ADAMTS2: variants seen among roughly 807,000 people sequenced by gnomAD.
The protein encoded by ADAMTS2 is ADAM metallopeptidase with thrombospondin type 1 motif 2.
In ADAMTS2, 50 loss-of-function variants were observed where a neutral mutation model predicts 123.0. That is an observed-to-expected ratio of 0.41 (90% CI 0.32 to 0.51). The LOEUF (loss-of-function observed/expected upper bound fraction) is 0.51. Among genes scored for constraint, ADAMTS2 ranks in the 20% least tolerant of loss-of-function variants. The pLI, the probability that ADAMTS2 is intolerant of heterozygous loss-of-function variation, is 0.35. For missense variants in ADAMTS2, 1,494 were observed against 1,705.2 expected (o/e 0.88, Z 2.18); for synonymous variants, 678 against 695.4 (o/e 0.98, Z 0.39).
chr5:179,275,620 T>TG (rs1766673496), intron 2 of ADAMTS2, among the ~76,000 whole-genome samples: 2 of 152,174 alleles, frequency 1.3e-5, no homozygotes, highest in Admixed American at 6.5e-5. Context: ...GGATGCCAGA[T>TG]GCCAGCTTTG....
Position 179,122,634 on chromosome 5 carries a change from G to A in ADAMTS2, c.3088+10C>T. The A allele has an allele frequency of 6.5e-7, 1 of 1,549,786 alleles. No homozygotes were observed. The highest frequency in any genetic ancestry group is 8.7e-7 in the Non-Finnish European group (1 of 1,146,874). On this transcript the variant is annotated intron_variant, in intron 20 of 21. Transcript: ENST00000251582. ...GCTGGGAGCAGGGGCAGGGGCTGCA[G>A]GTGGCTTACGGGGACAGGGGCCAAG... is the stretch of plus-strand genomic sequence containing the variant.
At chr5:179,154,962 G>A in intron 6 of ADAMTS2, 43 bp from the exon 7 acceptor site, 1 of 1,565,492 alleles carries the variant, frequency 6.4e-7, no homozygotes, top group Middle Eastern at 1.9e-4. Context: ...GCCATAGCCT[G>A]GCCGGGAAGG....
At chr5:179,146,506 G>A (rs1033048246) in intron 10 of ADAMTS2, among the ~76,000 whole-genome samples, 2 of 152,244 alleles carry the variant, frequency 1.3e-5, no homozygotes, top group African/African-American at 4.8e-5. Flanking sequence ...TGCAGTGGCA[G>A]CGTTCGCAGC....
At chr5:179,316,521 G>C (rs775681398) in intron 2 of ADAMTS2, among the ~76,000 whole-genome samples, 1 of 152,178 alleles carries the variant, frequency 6.6e-6, no homozygotes, top group Non-Finnish European at 1.5e-5. Flanking sequence ...CCACTCCCAG[G>C]GATGGCATTT....
chr5:179,277,264 C>T (rs1418818361), intron 2 of ADAMTS2, among the ~76,000 whole-genome samples: 1 of 152,030 alleles, frequency 6.6e-6, no homozygotes, highest in Non-Finnish European at 1.5e-5. Flanking sequence ...GTGCGATGCG[C>T]ACAACGCATG....
At chr5:179,217,374 C>T (rs1334466752) in intron 3 of ADAMTS2, among the ~76,000 whole-genome samples, 2 of 152,178 alleles carry the variant, frequency 1.3e-5, no homozygotes, top group African/African-American at 4.8e-5. Flanking sequence ...GGTTTGATCA[C>T]CTGAAATGGT....
At position 179,129,953 on chromosome 5, in the gene ADAMTS2, G is replaced by A. The variant is rs1762929607; in HGVS notation, c.2436C>T (p.Leu812=). 2 of 1,613,854 alleles carry A rather than the reference G, an allele frequency of 1.2e-6. No individual in the cohort carries two copies. The highest frequency in any genetic ancestry group is 1.7e-6 in the Non-Finnish European group (2 of 1,180,030). ...TCACCAGAACGGTGATGGTGCCGTG[G>A]AGGGGGCCCATGGTCTGCAGCGTCT... ...GRETLQTMGP[L]HGTITVLVIP... The change falls in exon 16 of 22, where the codon CTC becomes CTT. Residue 812 remains leucine (L), a synonymous_variant. Coordinates refer to ENST00000251582, the MANE Select transcript of ADAMTS2 (RefSeq NM_014244.5). This position sits in a 1 kb window ranked among gnomAD's most constrained non-coding sequence, Gnocchi z 4.1.
At chr5:179,337,175 CG>C (rs1369564389) in intron 2 of ADAMTS2, among the ~76,000 whole-genome samples, 3 of 152,012 alleles carry the variant, frequency 2.0e-5, no homozygotes, top group African/African-American at 7.2e-5. Flanking sequence ...CCTCCCATTC[CG>C]GGGTAACCAC....
rs1762587758 is a variant in ADAMTS2 at position 179,112,601 on chromosome 5, G to A, written c.*1266C>T. 1 of 152,256 alleles carries A rather than the reference G, an allele frequency of 6.6e-6. No homozygotes were observed. The highest frequency in any genetic ancestry group is 1.5e-5 in the Non-Finnish European group (1 of 68,100). The allele number at this position is 152,256 out of a possible 1,614,324, so 9.4% of individuals were successfully genotyped here. On this transcript the variant is annotated 3_prime_UTR_variant, in exon 22 of 22. Coordinates refer to ENST00000251582, the MANE Select transcript of ADAMTS2 (RefSeq NM_014244.5). ...TTGCAGGTCACTGCTGGGTTCTGGAGCTTCTGAGAGACAGAGGCGAGGTGG... is the reference window on the plus strand; with the variant it reads ...TTGCAGGTCACTGCTGGGTTCTGGAACTTCTGAGAGACAGAGGCGAGGTGG...
rs150893572 is a variant in ADAMTS2 at position 179,128,323 on chromosome 5, G to A, written c.2458-205C>T. ...CAGGGTGAGGTTCCTGTGAGCCTCT[G>A]TCTCAACATTTTTGTTACCCGATCA... On this transcript the variant is annotated intron_variant, in intron 16 of 21. Transcript: ENST00000251582. This position sits in a 1 kb window ranked among gnomAD's most constrained non-coding sequence, Gnocchi z 4.9. 4.0e-4 allele frequency among the ~76,000 whole-genome samples: 60 copies of A among 151,018 alleles called. 1 individual carries two copies. Among genetic ancestry groups the A allele is most frequent in the African/African-American group, 1.4e-3 (58 of 40,344 alleles).
At chr5:179,263,652 C>A (rs551808357) in intron 3 of ADAMTS2, among the ~76,000 whole-genome samples, 2 of 152,370 alleles carry the variant, frequency 1.3e-5, no homozygotes, top group South Asian at 4.1e-4. Context: ...CAAGCCCCAG[C>A]CAAAGGGACC....
chr5:179,224,612 A>T (rs1179641550), intron 3 of ADAMTS2, among the ~76,000 whole-genome samples: 1 of 152,238 alleles, frequency 6.6e-6, no homozygotes, highest in Non-Finnish European at 1.5e-5. Flanking sequence ...ATGAGAGGGC[A>T]CACTGCCTCC....
intron 2 of ADAMTS2, among the ~76,000 whole-genome samples, chr5:179,294,883 T>G (rs1756287270): frequency 6.6e-6 from 1 of 152,184 alleles, no homozygotes; most frequent in Admixed American, 6.5e-5. Context: ...CCACCCCAAA[T>G]GCTGACAGCC....
intron 3 of ADAMTS2, among the ~76,000 whole-genome samples, chr5:179,269,356 T>C (rs1327499682): frequency 6.6e-6 from 1 of 152,026 alleles, no homozygotes; most frequent in Non-Finnish European, 1.5e-5. Flanking sequence ...CTGGGCAACT[T>C]ACAAAAGAAA....
intron 3 of ADAMTS2, among the ~76,000 whole-genome samples, chr5:179,270,651 G>C (rs971822678): frequency 5.3e-5 from 8 of 152,174 alleles, no homozygotes; most frequent in African/African-American, 1.9e-4. Flanking sequence ...GCCCTGAAAA[G>C]GCCCAGGCAG....
intron 4 of ADAMTS2, among the ~76,000 whole-genome samples, chr5:179,193,111 G>A (rs997014579): frequency 6.6e-6 from 1 of 152,154 alleles, no homozygotes; most frequent in Admixed American, 6.5e-5. Flanking sequence ...TCACCCCACT[G>A]TGACTATCTC....
chr5:179,230,658 T>C (rs1000283293), intron 3 of ADAMTS2, among the ~76,000 whole-genome samples: 4 of 152,198 alleles, frequency 2.6e-5, no homozygotes, highest in African/African-American at 9.7e-5. Flanking sequence ...ATTTCACGCA[T>C]GTACCTAAAA....
Position 179,113,847 on chromosome 5 carries a change from G to A in ADAMTS2, c.*20C>T. 6.2e-7 allele frequency: 1 copy of A among 1,608,800 alleles called. No individual in the cohort carries two copies. The highest frequency in any genetic ancestry group is 8.5e-7 in the Non-Finnish European group (1 of 1,175,144). ...CTATAAGCAAGAAAAAAATGCTAGG[G>A]ATGCTATCTTTCCATTTTATTAGAA... On this transcript the variant is annotated 3_prime_UTR_variant, in exon 22 of 22. Transcript: ENST00000251582.
chr5:179,184,561 G>A (rs1053307284), intron 4 of ADAMTS2, among the ~76,000 whole-genome samples: 28 of 149,230 alleles, frequency 1.9e-4, no homozygotes, highest in African/African-American at 6.9e-4. Flanking sequence ...TTTTCCCCAC[G>A]TTTGAGCCTA....
Sources: gnomAD v4.1 joint callset for allele counts (sites outside exome capture counted in the v4.1 genomes callset) on GRCh38, gnomAD v4.1.1 for gene constraint, Gnocchi (gnomAD v3.1) non-coding constraint, MANE v1.5 for transcripts, NCBI Gene and HGNC (gene_info 2026-07-23, HGNC 2026-07-21) for gene names.